Variants in ELK3 observed in about 807,000 individuals in gnomAD.
ELK3 encodes ETS domain-containing protein Elk-3.
Under a neutral mutation model 28.9 loss-of-function variants are expected in ELK3, and 10 were observed. The ratio of observed to expected loss-of-function variants is 0.35; its 90% CI spans 0.21 to 0.59. The LOEUF (loss-of-function observed/expected upper bound fraction) is 0.59, where lower values mean the gene tolerates loss of function less well. Among genes scored for constraint, ELK3 ranks in the 20% least tolerant of loss-of-function variants. The pLI, the probability that ELK3 is intolerant of heterozygous loss-of-function variation, is 0.82. For missense variants in ELK3, 463 were observed against 517.3 expected (o/e 0.90, Z 1.02); for synonymous variants, 272 against 243.5 (o/e 1.12, Z -1.09).
At chr12:96,203,518 G>A (rs949177154) in intron 1 of ELK3, among the ~76,000 whole-genome samples, 3 of 152,150 alleles carry the variant, frequency 2.0e-5, no homozygotes, top group Non-Finnish European at 4.4e-5. Flanking sequence ...GGGGGTTGGG[G>A]GGAGCTTGTC....
At chr12:96,260,975 G>A (rs556239544) in intron 4 of ELK3, among the ~76,000 whole-genome samples, 5 of 152,270 alleles carry the variant, frequency 3.3e-5, no homozygotes, top group Admixed American at 3.3e-4. Context: ...CCCAGCATCT[G>A]GCACATGGCT....
Position 96,247,530 on chromosome 12 carries a change from T to C in ELK3, c.798T>C (p.His266=), listed in dbSNP as rs745999893. The C allele has an allele frequency of 6.2e-7, 1 of 1,613,930 alleles. No individual in the cohort carries two copies. Among genetic ancestry groups the C allele is most frequent in the Non-Finnish European group, 8.5e-7 (1 of 1,180,026 alleles). The change falls in exon 3 of 5, where the codon CAT becomes CAC. Residue 266 remains histidine (H), a synonymous_variant. Transcript: ENST00000228741. This position sits in a 1 kb window ranked among gnomAD's most constrained non-coding sequence, Gnocchi z 5.5. The stretch of plus-strand genomic sequence containing the variant: ...GCCTCTTCCTGGAGGCCGCCTGCCA[T>C]GACTCCGATTCCCTGGAGCCCTTGA... ...HRSLFLEAAC[H]DSDSLEPLNL...
chr12:96,267,197 T>A lies in ELK3; in HGVS notation c.*17T>A, dbSNP rs763688520. 1 of 1,606,358 alleles carries A rather than the reference T, an allele frequency of 6.2e-7. No homozygotes were observed. Among genetic ancestry groups the A allele is most frequent in the Admixed American group, 1.7e-5 (1 of 58,968 alleles). On this transcript the variant is annotated 3_prime_UTR_variant, in exon 5 of 5. Coordinates refer to ENST00000228741, the MANE Select transcript of ELK3 (RefSeq NM_005230.4). ...AAATCCTGATGACGTCTGGCCACAATTAAGGACTCATTAACTGATGAAACA... is the reference window on the plus strand; with the variant it reads ...AAATCCTGATGACGTCTGGCCACAAATAAGGACTCATTAACTGATGAAACA...
chr12:96,257,554 AG>A (rs1307987832), intron 3 of ELK3, among the ~76,000 whole-genome samples: 1 of 152,228 alleles, frequency 6.6e-6, no homozygotes. Context: ...ATGGCCATGG[AG>A]GAGAGAAGGA....
At chr12:96,240,843 GGAA>G (rs1388889899) in intron 2 of ELK3, among the ~76,000 whole-genome samples, 1 of 152,174 alleles carries the variant, frequency 6.6e-6, no homozygotes. Context: ...GGAGGAAAAC[GGAA>G]GATCAGATAA....
chr12:96,261,264 A>G (rs1184807856), intron 4 of ELK3, among the ~76,000 whole-genome samples: 1 of 152,134 alleles, frequency 6.6e-6, no homozygotes, highest in Non-Finnish European at 1.5e-5. Context: ...AAGTGACCAT[A>G]TCCTTGGAGT....
At chr12:96,217,863 G>A (rs1362113989) in intron 1 of ELK3, among the ~76,000 whole-genome samples, 10 of 150,142 alleles carry the variant, frequency 6.7e-5, no homozygotes, top group African/African-American at 1.7e-4. Context: ...GCTTGAACCC[G>A]GGAGGCAGAG....
chr12:96,224,711 G>C (rs1050917548), intron 2 of ELK3, among the ~76,000 whole-genome samples: 6 of 152,194 alleles, frequency 3.9e-5, no homozygotes, highest in African/African-American at 1.4e-4. Flanking sequence ...GGCCTTAATT[G>C]TTAGCCATTT....
intron 2 of ELK3, among the ~76,000 whole-genome samples, chr12:96,232,853 A>C (rs1373543092): frequency 6.6e-6 from 1 of 152,078 alleles, no homozygotes; most frequent in East Asian, 1.9e-4. Flanking sequence ...CTGTAGTCCT[A>C]CTTACTGGGG....
chr12:96,238,752 T>A (rs1408938136), intron 2 of ELK3, among the ~76,000 whole-genome samples: 7 of 152,302 alleles, frequency 4.6e-5, no homozygotes, highest in African/African-American at 1.7e-4. Context: ...TGAATGGACC[T>A]TACGGAAGAT....
At chr12:96,220,858 T>C (rs959445986) in intron 1 of ELK3, among the ~76,000 whole-genome samples, 7 of 152,192 alleles carry the variant, frequency 4.6e-5, no homozygotes, top group African/African-American at 1.7e-4. Flanking sequence ...CAGTGGCATT[T>C]ATTTTTCTCA....
intron 1 of ELK3, among the ~76,000 whole-genome samples, chr12:96,204,056 T>C (rs1459844144): frequency 6.6e-6 from 1 of 152,230 alleles, no homozygotes; most frequent in African/African-American, 2.4e-5. Flanking sequence ...GCTAGTATCC[T>C]GGAGGACAGG....
chr12:96,239,649 T>C (rs557837656), intron 2 of ELK3, among the ~76,000 whole-genome samples: 14 of 152,220 alleles, frequency 9.2e-5, no homozygotes, highest in Non-Finnish European at 1.8e-4. Flanking sequence ...CCCAAATAAA[T>C]GCATTGTCTC....
At position 96,205,264 on chromosome 12, in the gene ELK3, T is replaced by C. The variant is rs143456534; in HGVS notation, c.-3+10559T>C. 5.7e-3 allele frequency among the ~76,000 whole-genome samples: 862 copies of C among 152,366 alleles called. 6 individuals carry two copies. The highest frequency in any genetic ancestry group is 8.6e-3 in the Non-Finnish European group (588 of 68,032). The stretch of plus-strand genomic sequence containing the variant: ...CTGATCACCTCAGCACATCCCATTA[T>C]GAACATACAGAGAGGGGACCAAACC... On this transcript the variant is annotated intron_variant, in intron 1 of 4. Coordinates refer to ENST00000228741, the MANE Select transcript of ELK3 (RefSeq NM_005230.4).
chr12:96,264,250 G>A (rs1487345844), intron 4 of ELK3, among the ~76,000 whole-genome samples: 1 of 152,134 alleles, frequency 6.6e-6, no homozygotes, highest in Admixed American at 6.5e-5. Flanking sequence ...TTCCTAGGAA[G>A]GGCTAGGATT....
In ELK3 at chr12:96,267,646, T is replaced by TCAAA. The variant is rs1280559749; in HGVS notation, c.*469_*472dup. On this transcript the variant is annotated 3_prime_UTR_variant, in exon 5 of 5. Transcript: ENST00000228741. ...AATGTTTGAAAGATGAAAATTAGTA[T>TCAAA]CAAACAGCTCTCTAGTAGAATTTCA... 8 of 153,016 alleles carry TCAAA rather than the reference T, an allele frequency of 5.2e-5. No homozygotes were observed. The highest frequency in any genetic ancestry group is 2.0e-4 in the Admixed American group (3 of 15,352). The allele number at this position is 153,016 out of a possible 1,614,324, so 9.5% of individuals were successfully genotyped here.
chr12:96,242,568 T>A, intron 2 of ELK3, among the ~76,000 whole-genome samples: 1 of 152,166 alleles, frequency 6.6e-6, no homozygotes, highest in East Asian at 1.9e-4. Flanking sequence ...GCGCTGCTTC[T>A]GGGGGCAGCC....
chr12:96,236,730 G>A (rs566054164), intron 2 of ELK3, among the ~76,000 whole-genome samples: 74 of 152,296 alleles, frequency 4.9e-4, no homozygotes, highest in African/African-American at 1.5e-3. Context: ...CCTCTGCCTC[G>A]CTGAACAGAG....
intron 2 of ELK3, among the ~76,000 whole-genome samples, chr12:96,225,615 A>T (rs1951693374): frequency 6.6e-6 from 1 of 152,150 alleles, no homozygotes; most frequent in South Asian, 2.1e-4. Flanking sequence ...CCTTATACAC[A>T]TGAGAACGTG....
Sources: allele counts gnomAD v4.1 joint callset (sites outside exome capture counted in the v4.1 genomes callset), GRCh38; gene constraint gnomAD v4.1.1; non-coding constraint Gnocchi (gnomAD v3.1); transcripts MANE v1.5; gene names NCBI Gene and HGNC (gene_info 2026-07-23, HGNC 2026-07-21).